Variants in AOAH observed in about 807,000 individuals in gnomAD.
AOAH encodes acyloxyacyl hydrolase, also known as acyloxyacyl hydrolase (neutrophil).
A neutral mutation model predicts 92.2 loss-of-function variants in AOAH; 64 were observed. The observed-to-expected ratio is 0.69, with a 90% CI of 0.57 to 0.86. The LOEUF (loss-of-function observed/expected upper bound fraction) is 0.86. Ranked by LOEUF, AOAH falls within the 40% of genes least tolerant of loss-of-function variation. AOAH has a pLI of 0.00. For missense variants in AOAH, 656 were observed against 694.6 expected (o/e 0.94, Z 0.62); for synonymous variants, 263 against 254.5 (o/e 1.03, Z -0.32).
At chr7:36,643,685 T>G (rs1410934245) in intron 4 of AOAH, among the ~76,000 whole-genome samples, 1 of 152,200 alleles carries the variant, frequency 6.6e-6, no homozygotes, top group Non-Finnish European at 1.5e-5. Context: ...GAATCTCATG[T>G]CGAATTGTAA....
At chr7:36,664,381 T>A (rs900114572) in intron 3 of AOAH, among the ~76,000 whole-genome samples, 4 of 152,234 alleles carry the variant, frequency 2.6e-5, no homozygotes, top group Admixed American at 6.5e-5. Flanking sequence ...CATCTTTTTT[T>A]AAATCATATT....
intron 19 of AOAH, among the ~76,000 whole-genome samples, chr7:36,526,270 C>T (rs1381387887): frequency 1.1e-4 from 15 of 132,518 alleles, no homozygotes; most frequent in East Asian, 5.9e-4. Context: ...TCATTTTTTT[C>T]CCCCATATGA....
chr7:36,556,365 C>A (rs1056315294), intron 13 of AOAH, among the ~76,000 whole-genome samples: 8 of 152,036 alleles, frequency 5.3e-5, no homozygotes, highest in African/African-American at 1.9e-4. Flanking sequence ...GTTATAATTT[C>A]TGTTCTTTTC....
intron 6 of AOAH, among the ~76,000 whole-genome samples, chr7:36,627,836 G>GT (rs56350085): frequency 0.18 from 28,138 of 152,156 alleles, 2,825 homozygotes; most frequent in African/African-American, 0.26. Flanking sequence ...GGGAGCAATT[G>GT]TAACTGTGGC....
intron 1 of AOAH, among the ~76,000 whole-genome samples, chr7:36,710,417 A>G (rs1195425665): frequency 6.6e-6 from 1 of 152,200 alleles, no homozygotes; most frequent in Non-Finnish European, 1.5e-5. Context: ...AGCAAATGGG[A>G]GTTCAGTCCG....
At chr7:36,557,332 TAG>T (rs1160995359) in intron 13 of AOAH, among the ~76,000 whole-genome samples, 1 of 152,258 alleles carries the variant, frequency 6.6e-6, no homozygotes, top group Non-Finnish European at 1.5e-5. Flanking sequence ...CTCTGGCTTG[TAG>T]AGTTTCTGCT....
rs776599837 is a variant in AOAH, at chr7:36,594,363, G to A, written c.914C>T (p.Thr305Ile). The change falls in exon 12 of 21, where the codon ACA becomes ATA. Residue 305 changes from threonine (T) to isoleucine (I), a missense_variant. Physicochemically the swap from Thr to Ile is moderately conservative, Grantham distance 89 (BLOSUM62 -1). Transcript: ENST00000617537. ...CCCAACAGTGGAGTCCAGAAATCCT[G>A]TAGCACCAGAGAGTTGGGGCCAGTC... ...ELDWPQLSGA[T>I]GFLDSTVGIK... The A allele has an allele frequency of 3.1e-6, 5 of 1,614,026 alleles. No homozygotes were observed. In the South Asian group the frequency reaches 4.4e-5, roughly 14 times the overall value.
intron 12 of AOAH, among the ~76,000 whole-genome samples, chr7:36,589,706 T>C (rs1476171051): frequency 6.6e-6 from 1 of 152,226 alleles, no homozygotes; most frequent in Admixed American, 6.5e-5. Context: ...AGCACCCTTA[T>C]AACTGAAAAT....
At chr7:36,545,341 C>G (rs376223983) in intron 15 of AOAH, among the ~76,000 whole-genome samples, 1 of 152,228 alleles carries the variant, frequency 6.6e-6, no homozygotes, top group East Asian at 1.9e-4. Context: ...CTACCCATGT[C>G]TCTCACTGAA....
rs984338538 is a variant in AOAH at position 36,533,976 on chromosome 7, G to T, written c.1307-1632C>A. Reference sequence around the variant, plus strand: ...GTGAAACTTAGGTAGCCTGGCTGGGGCCCTGCCGCCCCTCTGGGCCCTGGT... The same window carrying T: ...GTGAAACTTAGGTAGCCTGGCTGGGTCCCTGCCGCCCCTCTGGGCCCTGGT... On this transcript the variant is annotated intron_variant, in intron 16 of 20. Transcript: ENST00000617537. Among the ~76,000 whole-genome samples, 16 of 152,268 alleles carry T rather than the reference G, an allele frequency of 1.1e-4. No homozygotes were observed. In the East Asian group the frequency reaches 1.5e-3, roughly 15 times the overall value.
intron 13 of AOAH, among the ~76,000 whole-genome samples, chr7:36,557,914 T>C (rs1184455117): frequency 6.6e-6 from 1 of 152,060 alleles, no homozygotes; most frequent in Admixed American, 6.5e-5. Context: ...TTTCAACTTC[T>C]TTGCCTTTGG....
In AOAH at chr7:36,631,859, C is replaced by T. The variant is rs528299697; in HGVS notation, c.521+177G>A. 1.7e-4 allele frequency among the ~76,000 whole-genome samples: 26 copies of T among 152,240 alleles called. No homozygotes were observed. In the South Asian group the frequency reaches 3.3e-3, roughly 19 times the overall value. On this transcript the variant is annotated intron_variant, in intron 6 of 20. Coordinates refer to ENST00000617537, the MANE Select transcript of AOAH (RefSeq NM_001637.4). Reference sequence around the variant, plus strand: ...GCTGGCATTCAGTATATTTCCCAAACGATTTTCTTCAGAGCTCATTTGTCT... The same window carrying T: ...GCTGGCATTCAGTATATTTCCCAAATGATTTTCTTCAGAGCTCATTTGTCT...
intron 6 of AOAH, among the ~76,000 whole-genome samples, chr7:36,627,875 C>T (rs1386042044): frequency 1.3e-5 from 2 of 152,176 alleles, no homozygotes; most frequent in Non-Finnish European, 2.9e-5. Context: ...CAGTATTGAG[C>T]TATTCAAGTT....
At chr7:36,543,815 T>C (rs113297048) in intron 15 of AOAH, among the ~76,000 whole-genome samples, 3,765 of 152,246 alleles carry the variant, frequency 0.025, 176 homozygotes, top group African/African-American at 0.086. Flanking sequence ...CAACCAACTC[T>C]TAGCTCAGGT....
At chr7:36,597,577 G>A (rs1442732423) in intron 11 of AOAH, among the ~76,000 whole-genome samples, 2 of 152,178 alleles carry the variant, frequency 1.3e-5, no homozygotes, top group Non-Finnish European at 2.9e-5. Context: ...TCAGTAACCT[G>A]CAAAACACGT....
intron 1 of AOAH, among the ~76,000 whole-genome samples, chr7:36,723,189 T>C (rs1023631747): frequency 6.6e-6 from 1 of 152,108 alleles, no homozygotes; most frequent in Admixed American, 6.6e-5. Flanking sequence ...GTCTGCTCAT[T>C]GAACAATTAC....
chr7:36,581,482 C>A (rs547981622), intron 12 of AOAH, among the ~76,000 whole-genome samples: 1 of 152,244 alleles, frequency 6.6e-6, no homozygotes, highest in Admixed American at 6.5e-5. Flanking sequence ...ATGCCCTCTG[C>A]CTTGAGTATT....
Position 36,616,454 on chromosome 7 carries a change from T to C in AOAH, c.772A>G (p.Ile258Val). The C allele has an allele frequency of 1.2e-6, 2 of 1,614,080 alleles. No homozygotes were observed. The highest frequency in any genetic ancestry group is 2.2e-5 in the South Asian group (2 of 91,084). Reference protein sequence around the residue: ...FCEGSQPRGIILLGDSAGAHF... With the variant: ...FCEGSQPRGIVLLGDSAGAHF... ...GCCCCAGCTGAGTCTCCCAGCAAAATGATTCCCCTGGGCTGTGAACCTAGG... is the reference window on the plus strand; with the variant it reads ...GCCCCAGCTGAGTCTCCCAGCAAAACGATTCCCCTGGGCTGTGAACCTAGG... The change falls in exon 11 of 21, where the codon ATT becomes GTT. Residue 258 changes from isoleucine (I) to valine (V), a missense_variant. Coordinates refer to ENST00000617537, the MANE Select transcript of AOAH (RefSeq NM_001637.4).
At position 36,717,014 on chromosome 7, in the gene AOAH, AAAT is replaced by A. The variant is rs869134099; in HGVS notation, c.127+7005_127+7007del. Among the ~76,000 whole-genome samples, 18 of 150,434 alleles carry A rather than the reference AAAT, an allele frequency of 1.2e-4. No homozygotes were observed. In the South Asian group the frequency reaches 1.2e-3, roughly 10 times the overall value. ...TAAATAAATAAATAAATAAATAAAT[AAAT>A]AAAAAAGCATAGTCGACCCTGCATT... On this transcript the variant is annotated intron_variant, in intron 1 of 20. Transcript: ENST00000617537.
Sources: gnomAD v4.1 joint callset for allele counts (sites outside exome capture counted in the v4.1 genomes callset) on GRCh38, gnomAD v4.1.1 for gene constraint, MANE v1.5 for transcripts, NCBI Gene and HGNC (gene_info 2026-07-23, HGNC 2026-07-21) for gene names.